DCAF17: variants seen among roughly 807,000 people sequenced by gnomAD.
The protein encoded by DCAF17 is DDB1- and CUL4-associated factor 17.
A neutral mutation model predicts 66.0 loss-of-function variants in DCAF17; 48 were observed. The ratio of observed to expected loss-of-function variants is 0.73; its 90% CI spans 0.58 to 0.92. The LOEUF (loss-of-function observed/expected upper bound fraction) is 0.92. DCAF17 is among the 40% of genes least tolerant of loss of function. The pLI, the probability that DCAF17 is intolerant of heterozygous loss-of-function variation, is 0.00. For missense variants in DCAF17, 562 were observed against 622.8 expected (o/e 0.90, Z 1.04); for synonymous variants, 206 against 214.6 (o/e 0.96, Z 0.35).
intron 8 of DCAF17, 119 bp from the exon 9 acceptor site, chr2:171,468,769 A>T: frequency 7.4e-7 from 1 of 1,355,322 alleles, no homozygotes; most frequent in Non-Finnish European, 1.0e-6. Context: ...GAACATAGTA[A>T]TTTTTCATTA....
intron 2 of DCAF17, among the ~76,000 whole-genome samples, chr2:171,442,376 G>T (rs1453628129): frequency 6.6e-6 from 1 of 151,670 alleles, no homozygotes; most frequent in Non-Finnish European, 1.5e-5. Flanking sequence ...GACCAACATG[G>T]TGAAACCCTG....
At chr2:171,441,645 T>C (rs7572973) in intron 2 of DCAF17, among the ~76,000 whole-genome samples, 27 of 152,290 alleles carry the variant, frequency 1.8e-4, no homozygotes, top group African/African-American at 6.3e-4. Flanking sequence ...CAGGGAGCCT[T>C]GTACTCTTGG....
intron 2 of DCAF17, among the ~76,000 whole-genome samples, chr2:171,439,511 CTTTT>C (rs374646610): frequency 1.1e-5 from 1 of 94,770 alleles, no homozygotes; most frequent in East Asian, 3.6e-4. Flanking sequence ...CTTTTTTTTC[CTTTT>C]TTTTTTTTTT....
At chr2:171,478,195 G>A in intron 12 of DCAF17, 125 bp downstream of exon 12, 1 of 786,982 alleles carries the variant, frequency 1.3e-6, no homozygotes, top group African/African-American at 1.7e-5. Context: ...GGCCAGTTGG[G>A]TGGGGTTGCG....
At chr2:171,441,350 G>A (rs184698577) in intron 2 of DCAF17, among the ~76,000 whole-genome samples, 19 of 152,254 alleles carry the variant, frequency 1.2e-4, no homozygotes, top group African/African-American at 4.3e-4. Context: ...TTGGAGTTGA[G>A]GAAACACTGA....
chr2:171,476,731 A>T (rs1696513913), intron 10 of DCAF17, 129 bp from the exon 11 acceptor site: 8 of 681,024 alleles, frequency 1.2e-5, no homozygotes, highest in South Asian at 1.2e-4. Context: ...AGTATTGTAG[A>T]CTAATCAAGA....
chr2:171,483,979 GA>G lies in DCAF17; in HGVS notation c.*2868del. 1 of 453,920 alleles carries G rather than the reference GA, an allele frequency of 2.2e-6. No homozygotes were observed. Among genetic ancestry groups the G allele is most frequent in the South Asian group, 1.6e-5 (1 of 64,426 alleles). The allele number at this position is 453,920 out of a possible 1,614,324, so 28.1% of individuals were successfully genotyped here. On this transcript the variant is annotated 3_prime_UTR_variant, in exon 14 of 14. Coordinates refer to ENST00000375255, the MANE Select transcript of DCAF17 (RefSeq NM_025000.4). Reference sequence around the variant, plus strand: ...AACAACTATAATACTAGATATGTAGGAAAGTGCTTAATAATCGTTTTTTACT... The same window carrying G: ...AACAACTATAATACTAGATATGTAGGAAGTGCTTAATAATCGTTTTTTACT...
intron 5 of DCAF17, 56 bp from the exon 6 acceptor site, chr2:171,453,068 A>G: frequency 8.2e-7 from 1 of 1,216,258 alleles, no homozygotes. Context: ...TAATGAAAAC[A>G]GTGTGTTTCT....
chr2:171,449,364 T>TA (rs933928536), intron 4 of DCAF17, among the ~76,000 whole-genome samples: 13 of 149,298 alleles, frequency 8.7e-5, no homozygotes, highest in South Asian at 2.1e-4. Context: ...TAAATAAACT[T>TA]AAAAAAAAAA....
intron 9 of DCAF17, chr2:171,472,956 G>T: frequency 6.6e-6 from 2 of 303,166 alleles, no homozygotes; most frequent in Non-Finnish European, 6.8e-6. Flanking sequence ...TGGATATAAG[G>T]TAATACATTT....
rs1324238617 is a variant in DCAF17, at chr2:171,484,332, A to T, written c.*3218A>T. 2.4e-6 allele frequency: 1 copy of T among 411,354 alleles called. No homozygotes were observed. Among genetic ancestry groups the T allele is most frequent in the Non-Finnish European group, 4.7e-6 (1 of 212,736 alleles). The allele number at this position is 411,354 out of a possible 1,614,324, so 25.5% of individuals were successfully genotyped here. ...TTCAAACAAGGGACATACAATAGAA[A>T]GATAAGACCTACTGAGGTCTTTTTC... is the stretch of plus-strand genomic sequence containing the variant. On this transcript the variant is annotated 3_prime_UTR_variant, in exon 14 of 14. Coordinates refer to ENST00000375255, the MANE Select transcript of DCAF17 (RefSeq NM_025000.4).
chr2:171,451,203 GC>G (rs1694932903), intron 5 of DCAF17, among the ~76,000 whole-genome samples: 1 of 151,792 alleles, frequency 6.6e-6, no homozygotes, highest in African/African-American at 2.4e-5. Flanking sequence ...TTTTCTGTAT[GC>G]CCCTGAAGCC....
intron 13 of DCAF17, among the ~76,000 whole-genome samples, chr2:171,480,457 T>C (rs1696690874): frequency 6.6e-6 from 1 of 152,202 alleles, no homozygotes; most frequent in African/African-American, 2.4e-5. Context: ...CCCTAGTCTT[T>C]GATTTTCTTT....
At chr2:171,448,140 CT>C (rs1003023753) in intron 3 of DCAF17, among the ~76,000 whole-genome samples, 9 of 150,988 alleles carry the variant, frequency 6.0e-5, no homozygotes, top group Non-Finnish European at 1.0e-4. Flanking sequence ...GCAGAGAACC[CT>C]TTTTTTTTGA....
chr2:171,481,925 T>A lies in DCAF17; in HGVS notation c.*811T>A, dbSNP rs891135177. ...TCTTGTTTAGGCAATATTTGCATAC[T>A]TATGCAATAAGATAAAGGTACCCTT... On this transcript the variant is annotated 3_prime_UTR_variant, in exon 14 of 14. Coordinates refer to ENST00000375255, the MANE Select transcript of DCAF17 (RefSeq NM_025000.4). The A allele has an allele frequency of 1.1e-5, 5 of 453,950 alleles. No individual in the cohort carries two copies. Among genetic ancestry groups the A allele is most frequent in the African/African-American group, 8.0e-5 (4 of 50,002 alleles). 28.1% of individuals were successfully genotyped at this position (453,950 alleles called of 1,614,324 possible).
intron 10 of DCAF17, 106 bp downstream of exon 10, chr2:171,474,081 T>A: frequency 1.1e-6 from 1 of 901,582 alleles, no homozygotes; most frequent in Non-Finnish European, 1.8e-6. Context: ...TGGAAATAAT[T>A]AGCTTGTTGT....
Position 171,440,343 on chromosome 2 carries a change from A to G in DCAF17, c.231-3180A>G, listed in dbSNP as rs116148396. On this transcript the variant is annotated intron_variant, in intron 2 of 13. Transcript: ENST00000375255. ...GTCATCCCAGCACTTTTGGAGGCCA[A>G]CGTCTGGGGTTGCTTGAGCCTAGGA... Among the ~76,000 whole-genome samples, 227 of 152,252 alleles carry G rather than the reference A, an allele frequency of 1.5e-3. 4 individuals carry two copies. In the East Asian group the frequency reaches 0.017, roughly 11 times the overall value.
chr2:171,442,024 A>G (rs1243316596), intron 2 of DCAF17, among the ~76,000 whole-genome samples: 1 of 152,202 alleles, frequency 6.6e-6, no homozygotes, highest in Admixed American at 6.5e-5. Context: ...CTTAAAAAAA[A>G]AATTAAATTA....
At position 171,434,446 on chromosome 2, in the gene DCAF17, T is replaced by C. The variant is rs1398291615; in HGVS notation, c.-132T>C. The stretch of plus-strand genomic sequence containing the variant: ...CGGGTGCTCCCTGCCCGCCTCCCCG[T>C]GTCAGCTTTCCCTGGGCCCCGCCGG... On this transcript the variant is annotated 5_prime_UTR_variant, in exon 1 of 14. Transcript: ENST00000375255. 2 of 1,460,070 alleles carry C rather than the reference T, an allele frequency of 1.4e-6. No individual in the cohort carries two copies. Among genetic ancestry groups the C allele is most frequent in the African/African-American group, 2.8e-5 (2 of 71,140 alleles). 90.4% of individuals were successfully genotyped at this position (1,460,070 alleles called of 1,614,324 possible). A position where few individuals can be genotyped will look rare whatever the true frequency, so the allele number is the denominator to read the frequency against.
Sources: gnomAD v4.1 joint callset for allele counts (sites outside exome capture counted in the v4.1 genomes callset) on GRCh38, gnomAD v4.1.1 for gene constraint, MANE v1.5 for transcripts, NCBI Gene and HGNC (gene_info 2026-07-23, HGNC 2026-07-21) for gene names.